Variants in SWAP70 observed in about 807,000 individuals in gnomAD.
SWAP70 encodes the protein switch-associated protein 70.
SWAP70 carries 34 observed loss-of-function variants against 80.2 expected under a neutral mutation model. The observed-to-expected ratio is 0.42, with a 90% CI of 0.32 to 0.56. SWAP70 has a LOEUF of 0.56. SWAP70 is among the 20% of genes least tolerant of loss of function. The pLI, the probability that SWAP70 is intolerant of heterozygous loss-of-function variation, is 0.09. For synonymous variants in SWAP70, 239 were observed against 238.5 expected, an observed-to-expected ratio of 1.00 and a Z score of -0.02; for missense variants, 578 against 690.7, an observed-to-expected ratio of 0.84 and a Z score of 1.83.
At chr11:9,722,794 A>G (rs442722) in intron 3 of SWAP70, among the ~76,000 whole-genome samples, 49,781 of 152,178 alleles carry the variant, frequency 0.33, 8,381 homozygotes, top group Non-Finnish European at 0.35. Context: ...CTTGCTGGCT[A>G]AATCCAGCCC....
At position 9,749,878 on chromosome 11, in the gene SWAP70, C is replaced by A. The variant is rs776108924; in HGVS notation, c.1666C>A (p.His556Asn). ...RLIEPGSKNP[H>N]LITNWGPAAF... ...TTGCCTCTTAGGTTCAAAGAACCCT[C>A]ACCTGATCACTAACTGGGGACCTGC... The change falls in exon 12 of 12, where the codon CAC becomes AAC. Residue 556 changes from histidine to asparagine, a missense_variant. His to Asn is a moderately conservative substitution (Grantham distance 68). Transcript: ENST00000318950. The A allele has an allele frequency of 1.9e-6, 3 of 1,612,652 alleles. No individual in the cohort carries two copies. In the South Asian group the frequency reaches 3.3e-5, roughly 18 times the overall value.
intron 1 of SWAP70, among the ~76,000 whole-genome samples, chr11:9,691,216 C>T (rs1180811765): frequency 6.6e-6 from 1 of 152,184 alleles, no homozygotes; most frequent in East Asian, 1.9e-4. Context: ...CCATGCCCAG[C>T]CTGTTGTTAT....
chr11:9,669,521 C>T (rs928031781), intron 1 of SWAP70, among the ~76,000 whole-genome samples: 13 of 152,162 alleles, frequency 8.5e-5, no homozygotes, highest in African/African-American at 1.9e-4. Context: ...TGAGCGACCA[C>T]GCCCAGCCTA....
intron 8 of SWAP70, among the ~76,000 whole-genome samples, chr11:9,738,750 A>T (rs987390287): frequency 2.7e-5 from 4 of 150,584 alleles, no homozygotes; most frequent in Non-Finnish European, 5.9e-5. Context: ...AGTTCCAGCT[A>T]CTTAGGAGGC....
chr11:9,731,374 T>C (rs1851295795), intron 6 of SWAP70, among the ~76,000 whole-genome samples: 1 of 152,240 alleles, frequency 6.6e-6, no homozygotes, highest in African/African-American at 2.4e-5. Flanking sequence ...ATAAATTCTG[T>C]AACTGCTTTT....
chr11:9,700,121 G>C (rs1850813172), intron 2 of SWAP70, among the ~76,000 whole-genome samples: 1 of 151,976 alleles, frequency 6.6e-6, no homozygotes, highest in Non-Finnish European at 1.5e-5. Context: ...ATTTTATTTA[G>C]TTTTAAAATG....
intron 7 of SWAP70, among the ~76,000 whole-genome samples, chr11:9,736,752 A>G (rs1851368514): frequency 6.6e-6 from 1 of 152,116 alleles, no homozygotes. Flanking sequence ...GAGTTCACTA[A>G]TTTTGTTCTG....
In SWAP70 at chr11:9,752,117, G is replaced by T. The variant is rs1156815067; in HGVS notation, c.*2147G>T. 6.6e-6 allele frequency: 1 copy of T among 152,258 alleles called. No homozygotes were observed. The highest frequency in any genetic ancestry group is 1.5e-5 in the Non-Finnish European group (1 of 68,046). The allele number at this position is 152,258 out of a possible 1,614,324, so 9.4% of individuals were successfully genotyped here. Reference sequence around the variant, plus strand: ...CTGTGAAATCTATGGGATGGAAACAGTGTGGCCTTAGGAGTCAAATAGTCT... The same window carrying T: ...CTGTGAAATCTATGGGATGGAAACATTGTGGCCTTAGGAGTCAAATAGTCT... On this transcript the variant is annotated 3_prime_UTR_variant, in exon 12 of 12. Coordinates refer to ENST00000318950, the MANE Select transcript of SWAP70 (RefSeq NM_015055.4).
At chr11:9,704,391 T>A (rs1223022877) in intron 2 of SWAP70, among the ~76,000 whole-genome samples, 1 of 138,660 alleles carries the variant, frequency 7.2e-6, no homozygotes, top group East Asian at 1.9e-4. Flanking sequence ...TAATTTTTAT[T>A]ATTTTATTTT....
intron 1 of SWAP70, among the ~76,000 whole-genome samples, chr11:9,689,464 A>G (rs1011761932): frequency 1.3e-5 from 2 of 152,216 alleles, no homozygotes; most frequent in East Asian, 1.9e-4. Context: ...TTGTGGTAAC[A>G]ATAGTTTATT....
chr11:9,671,351 A>G (rs1219347741), intron 1 of SWAP70, among the ~76,000 whole-genome samples: 2 of 115,096 alleles, frequency 1.7e-5, no homozygotes, highest in African/African-American at 7.2e-5. Flanking sequence ...TAAAAATATA[A>G]ATATATAAAT....
chr11:9,725,578 T>A (rs1422484093), intron 4 of SWAP70, among the ~76,000 whole-genome samples: 16 of 130,736 alleles, frequency 1.2e-4, no homozygotes, highest in South Asian at 2.5e-4. Flanking sequence ...TATTTTTTTT[T>A]TTTTTTTTTT....
chr11:9,670,570 A>C (rs1850363392), intron 1 of SWAP70, among the ~76,000 whole-genome samples: 1 of 151,954 alleles, frequency 6.6e-6, no homozygotes, highest in African/African-American at 2.4e-5. Context: ...AAAGAGGAGA[A>C]AAGAGCCATT....
chr11:9,748,162 C>A, intron 10 of SWAP70, 106 bp downstream of exon 10: 2 of 1,197,628 alleles, frequency 1.7e-6, no homozygotes, highest in Non-Finnish European at 1.2e-6. Context: ...TAGTAAGAAT[C>A]TTGCTTAGCT....
In SWAP70 at chr11:9,740,211, C is replaced by G. The variant is rs765091986; in HGVS notation, c.1219C>G (p.Gln407Glu). The G allele has an allele frequency of 1.9e-6, 3 of 1,614,094 alleles. No homozygotes were observed. Among genetic ancestry groups the G allele is most frequent in the Non-Finnish European group, 2.5e-6 (3 of 1,180,010 alleles). The change falls in exon 9 of 12, where the codon CAA becomes GAA. Residue 407 changes from glutamine (Q) to glutamate (E), a missense_variant. Coordinates refer to ENST00000318950, the MANE Select transcript of SWAP70 (RefSeq NM_015055.4). Reference protein sequence around the residue: ...IRQQMEEQVAQKSSELEQYLQ... With the variant: ...IRQQMEEQVAEKSSELEQYLQ... Reference sequence around the variant, plus strand: ...ACAGCAGATGGAAGAACAGGTTGCTCAAAAGTCCTCTGAACTGGAACAGTA... The same window carrying G: ...ACAGCAGATGGAAGAACAGGTTGCTGAAAAGTCCTCTGAACTGGAACAGTA...
At chr11:9,735,984 G>T (rs1472696826) in intron 7 of SWAP70, among the ~76,000 whole-genome samples, 3 of 151,716 alleles carry the variant, frequency 2.0e-5, no homozygotes, top group African/African-American at 7.3e-5. Flanking sequence ...TGATACTTTC[G>T]TTATGCAAAT....
chr11:9,709,756 T>A (rs1447284326), intron 2 of SWAP70, among the ~76,000 whole-genome samples: 1 of 152,172 alleles, frequency 6.6e-6, no homozygotes, highest in Non-Finnish European at 1.5e-5. Context: ...CCTAAAGTGC[T>A]GGAATTACAG....
chr11:9,667,240 G>GTA (rs143081219), intron 1 of SWAP70, among the ~76,000 whole-genome samples: 1 of 151,458 alleles, frequency 6.6e-6, no homozygotes. Context: ...TTCTGTGTGT[G>GTA]TGTGTGTGTG....
Position 9,750,520 on chromosome 11 carries a change from C to G in SWAP70, c.*550C>G, listed in dbSNP as rs1392236139. On this transcript the variant is annotated 3_prime_UTR_variant, in exon 12 of 12. Coordinates refer to ENST00000318950, the MANE Select transcript of SWAP70 (RefSeq NM_015055.4). ...AACATTGTCAAGCTGTTTGTTTACT[C>G]TTTCTTTGAAAACATCACCTTCTGA... is the stretch of plus-strand genomic sequence containing the variant. 1 of 152,374 alleles carries G rather than the reference C, an allele frequency of 6.6e-6. No homozygotes were observed. The highest frequency in any genetic ancestry group is 6.5e-5 in the Admixed American group (1 of 15,302). The allele number at this position is 152,374 out of a possible 1,614,324, so 9.4% of individuals were successfully genotyped here. A position where few individuals can be genotyped will look rare whatever the true frequency, so the allele number is the denominator to read the frequency against.
Sources: allele counts gnomAD v4.1 joint callset (sites outside exome capture counted in the v4.1 genomes callset), GRCh38; gene constraint gnomAD v4.1.1; transcripts MANE v1.5; gene names NCBI Gene and HGNC (gene_info 2026-07-23, HGNC 2026-07-21).